LUZP2: variants seen among roughly 807,000 people sequenced by gnomAD.
The protein encoded by LUZP2 is leucine zipper protein 2.
Under a neutral mutation model 51.6 loss-of-function variants are expected in LUZP2, and 52 were observed. The ratio of observed to expected loss-of-function variants is 1.01; its 90% CI spans 0.81 to 1.27. The LOEUF (loss-of-function observed/expected upper bound fraction) is 1.27, where lower values mean the gene tolerates loss of function less well. LUZP2 is among the 50% of genes most tolerant of loss of function. The probability of loss-of-function intolerance (pLI) is 0.00; values close to 1 mark genes in which losing one functional copy is unlikely to be tolerated. For synonymous variants in LUZP2, 154 were observed against 137.3 expected (o/e 1.12, Z -0.85); for missense variants, 436 against 395.4 (o/e 1.10, Z -0.87).
rs140147806 is a variant in LUZP2 at position 24,934,046 on chromosome 11, A to T, written c.522+19508A>T. On this transcript the variant is annotated intron_variant, in intron 7 of 11. Coordinates refer to ENST00000336930, the MANE Select transcript of LUZP2 (RefSeq NM_001009909.4). Reference sequence around the variant, plus strand: ...AAAGTACATTCTCAAGGGTAGGGGAATATCACAAAGTACATTATCGCAAGG... The same window carrying T: ...AAAGTACATTCTCAAGGGTAGGGGATTATCACAAAGTACATTATCGCAAGG... Among the ~76,000 whole-genome samples, 1,471 of 152,344 alleles carry T rather than the reference A, an allele frequency of 9.7e-3. 18 individuals carry two copies. Among genetic ancestry groups the T allele is most frequent in the South Asian group, 0.045 (217 of 4,832 alleles).
intron 1 of LUZP2, among the ~76,000 whole-genome samples, chr11:24,616,663 G>A (rs2133897089): frequency 6.6e-6 from 1 of 152,242 alleles, no homozygotes; most frequent in East Asian, 1.9e-4. Context: ...ACAGATCGAT[G>A]TGTCTGTACT....
At chr11:24,812,850 C>T (rs1007016728) in intron 5 of LUZP2, among the ~76,000 whole-genome samples, 3 of 152,134 alleles carry the variant, frequency 2.0e-5, no homozygotes, top group Non-Finnish European at 2.9e-5. Context: ...CATACAGGCT[C>T]GCTAGGCATA....
intron 4 of LUZP2, among the ~76,000 whole-genome samples, chr11:24,759,342 A>G (rs1406507406): frequency 1.3e-5 from 2 of 152,210 alleles, no homozygotes; most frequent in Non-Finnish European, 2.9e-5. Flanking sequence ...ATAACTATCA[A>G]TAGGAATGCT....
chr11:24,859,785 A>G (rs1233351966), intron 5 of LUZP2, among the ~76,000 whole-genome samples: 1 of 152,214 alleles, frequency 6.6e-6, no homozygotes, highest in Non-Finnish European at 1.5e-5. Context: ...GCGATGAGTG[A>G]GCCCACTATC....
chr11:25,030,340 C>T (rs1249923817), intron 9 of LUZP2, among the ~76,000 whole-genome samples: 1 of 152,066 alleles, frequency 6.6e-6, no homozygotes, highest in African/African-American at 2.4e-5. Flanking sequence ...TCTCTATTCT[C>T]CTATTGATAG....
chr11:25,023,914 G>A (rs1857411883), intron 9 of LUZP2, among the ~76,000 whole-genome samples: 1 of 152,120 alleles, frequency 6.6e-6, no homozygotes, highest in Admixed American at 6.6e-5. Flanking sequence ...TCAGGAGCAG[G>A]TTGTTCAGTT....
At chr11:24,882,523 A>G (rs906726119) in intron 5 of LUZP2, among the ~76,000 whole-genome samples, 1 of 152,048 alleles carries the variant, frequency 6.6e-6, no homozygotes, top group African/African-American at 2.4e-5. Flanking sequence ...GTGTGTTTAG[A>G]TTAATGTATA....
chr11:24,545,854 T>A (rs776839083), intron 1 of LUZP2, among the ~76,000 whole-genome samples: 1 of 152,004 alleles, frequency 6.6e-6, no homozygotes. Context: ...GGAATAGCAG[T>A]GAATTTGTAA....
intron 1 of LUZP2, among the ~76,000 whole-genome samples, chr11:24,498,783 G>C (rs1156793593): frequency 6.6e-6 from 1 of 152,134 alleles, no homozygotes; most frequent in African/African-American, 2.4e-5. Context: ...GTCTTCTAGA[G>C]AAAGGAAATT....
intron 7 of LUZP2, among the ~76,000 whole-genome samples, chr11:24,939,559 G>GA (rs1854686932): frequency 6.6e-6 from 1 of 150,488 alleles, no homozygotes; most frequent in African/African-American, 2.4e-5. Flanking sequence ...AAGGAAGGAA[G>GA]AAAAAAAGGG....
intron 9 of LUZP2, among the ~76,000 whole-genome samples, chr11:25,042,968 A>T (rs1357029946): frequency 1.3e-5 from 2 of 152,164 alleles, no homozygotes; most frequent in Non-Finnish European, 2.9e-5. Flanking sequence ...ATGAAGTCAT[A>T]ATGGTGGGAG....
intron 5 of LUZP2, among the ~76,000 whole-genome samples, chr11:24,783,650 G>T (rs1199142024): frequency 6.6e-6 from 1 of 151,794 alleles, no homozygotes; most frequent in African/African-American, 2.4e-5. Context: ...ACTCTGATTT[G>T]TTCTTGTAGC....
chr11:24,672,343 G>A (rs1401144002), intron 1 of LUZP2, among the ~76,000 whole-genome samples: 1 of 151,958 alleles, frequency 6.6e-6, no homozygotes, highest in Non-Finnish European at 1.5e-5. Flanking sequence ...TGTGTATTTA[G>A]TTTATTTGCT....
chr11:24,818,337 C>T (rs1460558585), intron 5 of LUZP2, among the ~76,000 whole-genome samples: 1 of 151,842 alleles, frequency 6.6e-6, no homozygotes, highest in Non-Finnish European at 1.5e-5. Flanking sequence ...ATTTATTAGC[C>T]CAGTTGAAAA....
intron 5 of LUZP2, among the ~76,000 whole-genome samples, chr11:24,796,935 G>A (rs1849564533): frequency 6.6e-6 from 1 of 152,054 alleles, no homozygotes; most frequent in African/African-American, 2.4e-5. Context: ...AAGGGAGGAG[G>A]GCGAGGTTTG....
At chr11:24,740,953 A>T (rs1157661507) in intron 4 of LUZP2, among the ~76,000 whole-genome samples, 3 of 152,104 alleles carry the variant, frequency 2.0e-5, no homozygotes, top group African/African-American at 4.8e-5. Flanking sequence ...TCACATAATC[A>T]TCATCATTAT....
At chr11:24,699,688 G>GACACAC (rs1008410490) in intron 1 of LUZP2, among the ~76,000 whole-genome samples, 1 of 99,964 alleles carries the variant, frequency 1.0e-5, no homozygotes, top group African/African-American at 3.4e-5. Flanking sequence ...TATATACACA[G>GACACAC]ACACACACAC....
chr11:24,918,849 A>ATG lies in LUZP2; in HGVS notation c.522+4312_522+4313insGT, dbSNP rs1853897198. Among the ~76,000 whole-genome samples the ATG allele has an allele frequency of 1.7e-5, 2 of 117,676 alleles. 1 individual carries two copies. The highest frequency in any genetic ancestry group is 6.2e-5 in the African/African-American group (2 of 32,450). The allele number at this position is 117,676 out of a possible 152,430, so 77.2% of individuals were successfully genotyped here. A position where few individuals can be genotyped will look rare whatever the true frequency, so the allele number is the denominator to read the frequency against. Reference sequence around the variant, plus strand: ...TATATCTCCATTGGAATACATCTATATATATATGTTCTTTATATATATCCA... The same window carrying ATG: ...TATATCTCCATTGGAATACATCTATATGTATATATGTTCTTTATATATATCCA... On this transcript the variant is annotated intron_variant, in intron 7 of 11. Transcript: ENST00000336930.
chr11:24,637,535 G>C (rs1471619746), intron 1 of LUZP2, among the ~76,000 whole-genome samples: 2 of 151,848 alleles, frequency 1.3e-5, no homozygotes, highest in Non-Finnish European at 2.9e-5. Flanking sequence ...TGCAGAAAGC[G>C]AGTAGGAGAG....
Sources: allele counts gnomAD v4.1 joint callset (sites outside exome capture counted in the v4.1 genomes callset), GRCh38; gene constraint gnomAD v4.1.1; transcripts MANE v1.5; gene names NCBI Gene and HGNC (gene_info 2026-07-23, HGNC 2026-07-21).